Variants in NXPH1 observed in about 807,000 individuals in gnomAD.
NXPH1 encodes the protein neurexophilin 1.
A neutral mutation model predicts 23.7 loss-of-function variants in NXPH1; 5 were observed. That is an observed-to-expected ratio of 0.21 (90% CI 0.11 to 0.44). The LOEUF (loss-of-function observed/expected upper bound fraction) is 0.44. Among genes scored for constraint, NXPH1 ranks in the 20% least tolerant of loss-of-function variants. NXPH1 has a pLI of 0.99. For synonymous variants in NXPH1, 144 were observed against 122.2 expected (o/e 1.18, Z -1.18); for missense variants, 324 against 321.6 (o/e 1.01, Z -0.06).
At chr7:8,515,004 C>T (rs1472304566) in intron 2 of NXPH1, among the ~76,000 whole-genome samples, 1 of 152,078 alleles carries the variant, frequency 6.6e-6, no homozygotes, top group East Asian at 1.9e-4. Flanking sequence ...TCCCAAAGAA[C>T]ATTAGAATAA....
At chr7:8,623,579 C>G (rs1583200403) in intron 2 of NXPH1, among the ~76,000 whole-genome samples, 1 of 144,322 alleles carries the variant, frequency 6.9e-6, no homozygotes, top group South Asian at 2.1e-4. Flanking sequence ...AGCTGGGGGA[C>G]TAGCAGAGAG....
At chr7:8,613,955 C>G (rs148624092) in intron 2 of NXPH1, among the ~76,000 whole-genome samples, 1 of 151,476 alleles carries the variant, frequency 6.6e-6, no homozygotes, top group African/African-American at 2.4e-5. Context: ...TTAGTTTCAA[C>G]GACTAATATT....
intron 2 of NXPH1, among the ~76,000 whole-genome samples, chr7:8,436,865 A>G (rs1816204776): frequency 6.6e-6 from 1 of 152,230 alleles, no homozygotes; most frequent in Non-Finnish European, 1.5e-5. Flanking sequence ...TAAGCCTGAA[A>G]GAATTGCCAT....
At chr7:8,684,412 T>G (rs1821113780) in intron 2 of NXPH1, among the ~76,000 whole-genome samples, 1 of 152,178 alleles carries the variant, frequency 6.6e-6, no homozygotes, top group Non-Finnish European at 1.5e-5. Flanking sequence ...TTGTTGACTG[T>G]TTTCTTTCAG....
At chr7:8,668,777 A>G (rs940579429) in intron 2 of NXPH1, among the ~76,000 whole-genome samples, 4 of 151,184 alleles carry the variant, frequency 2.6e-5, no homozygotes, top group African/African-American at 9.7e-5. Flanking sequence ...TCATGGGGGC[A>G]AGTATGGCTT....
chr7:8,706,229 A>G (rs754724595), intron 2 of NXPH1, among the ~76,000 whole-genome samples: 1 of 152,168 alleles, frequency 6.6e-6, no homozygotes, highest in Non-Finnish European at 1.5e-5. Flanking sequence ...ATGGATCATC[A>G]AGTAACCGTG....
At chr7:8,552,896 T>A (rs1432431457) in intron 2 of NXPH1, among the ~76,000 whole-genome samples, 2 of 151,584 alleles carry the variant, frequency 1.3e-5, no homozygotes, top group Admixed American at 6.6e-5. Flanking sequence ...TTTCCTTTTT[T>A]AAAAGATGCA....
intron 2 of NXPH1, among the ~76,000 whole-genome samples, chr7:8,553,717 T>C (rs1818312255): frequency 6.6e-6 from 1 of 151,612 alleles, no homozygotes; most frequent in South Asian, 2.1e-4. Context: ...ATTTAATGCA[T>C]CACCAAGTCC....
intron 2 of NXPH1, among the ~76,000 whole-genome samples, chr7:8,569,326 G>T (rs540551567): frequency 1.8e-4 from 28 of 151,908 alleles, no homozygotes; most frequent in African/African-American, 6.3e-4. Context: ...CATTGAAAGG[G>T]ATATACGTTG....
At chr7:8,649,021 C>T (rs1470583300) in intron 2 of NXPH1, among the ~76,000 whole-genome samples, 8 of 103,432 alleles carry the variant, frequency 7.7e-5, no homozygotes, top group Non-Finnish European at 1.0e-4. Flanking sequence ...ATTTTACTCT[C>T]CATTACTTTT....
At chr7:8,562,362 C>A (rs1460940784) in intron 2 of NXPH1, among the ~76,000 whole-genome samples, 1 of 151,682 alleles carries the variant, frequency 6.6e-6, no homozygotes, top group Admixed American at 6.6e-5. Context: ...ATAATATTAA[C>A]AAAAGTACTT....
At chr7:8,644,288 G>C (rs765439585) in intron 2 of NXPH1, among the ~76,000 whole-genome samples, 28 of 152,308 alleles carry the variant, frequency 1.8e-4, no homozygotes, top group Admixed American at 1.3e-3. Flanking sequence ...AGCAGTTGCT[G>C]TTTGACTGAT....
In NXPH1 at chr7:8,751,964, T is replaced by C. The variant is rs960375757; in HGVS notation, c.*195T>C. On this transcript the variant is annotated 3_prime_UTR_variant, in exon 3 of 3. Coordinates refer to ENST00000405863, the MANE Select transcript of NXPH1 (RefSeq NM_152745.3). The surrounding 1 kb of genome is among the most constrained non-coding windows in gnomAD (Gnocchi z 4.5). The stretch of plus-strand genomic sequence containing the variant: ...CAGTCAGCTTCATCCCTCAGTATAA[T>C]TGTAAATCATCACAGATTTTGAATT... 12 of 562,482 alleles carry C rather than the reference T, an allele frequency of 2.1e-5. No homozygotes were observed. The highest frequency in any genetic ancestry group is 9.6e-4 in the Middle Eastern group (2 of 2,082). The allele number at this position is 562,482 out of a possible 1,614,324, so 34.8% of individuals were successfully genotyped here. A position where few individuals can be genotyped will look rare whatever the true frequency, so the allele number is the denominator to read the frequency against.
At chr7:8,678,928 A>ATTT (rs540056222) in intron 2 of NXPH1, among the ~76,000 whole-genome samples, 846 of 68,800 alleles carry the variant, frequency 0.012, 89 homozygotes, top group African/African-American at 0.019. Context: ...GCTTTATCCA[A>ATTT]TTTTTTTTTT....
chr7:8,643,084 C>T (rs528429911), intron 2 of NXPH1, among the ~76,000 whole-genome samples: 125 of 152,060 alleles, frequency 8.2e-4, no homozygotes, highest in Non-Finnish European at 1.4e-3. Context: ...TGGCTGGTCT[C>T]GAACTCCTGA....
intron 2 of NXPH1, among the ~76,000 whole-genome samples, chr7:8,532,537 G>A (rs74435228): frequency 0.01 from 1,591 of 151,726 alleles, 31 homozygotes; most frequent in African/African-American, 0.036. Flanking sequence ...CTTCCACTGC[G>A]GTTTTGAAGT....
chr7:8,515,037 G>A (rs1429981945), intron 2 of NXPH1, among the ~76,000 whole-genome samples: 1 of 152,068 alleles, frequency 6.6e-6, no homozygotes, highest in Non-Finnish European at 1.5e-5. Context: ...AGAAAGTGAT[G>A]CCTGTGTGTA....
chr7:8,505,337 G>T (rs764495267), intron 2 of NXPH1, among the ~76,000 whole-genome samples: 2 of 151,882 alleles, frequency 1.3e-5, no homozygotes, highest in African/African-American at 2.4e-5. Context: ...ATCTTTGAAG[G>T]CTTGTCTTAA....
intron 2 of NXPH1, among the ~76,000 whole-genome samples, chr7:8,590,018 A>G (rs1216238097): frequency 6.6e-6 from 1 of 152,152 alleles, no homozygotes; most frequent in African/African-American, 2.4e-5. Flanking sequence ...CCCTCATGGC[A>G]GAAAGCTCTA....
Sources: allele counts gnomAD v4.1 joint callset (sites outside exome capture counted in the v4.1 genomes callset), GRCh38; gene constraint gnomAD v4.1.1; non-coding constraint Gnocchi (gnomAD v3.1); transcripts MANE v1.5; gene names NCBI Gene and HGNC (gene_info 2026-07-23, HGNC 2026-07-21).